KCND2: variants seen among roughly 807,000 people sequenced by gnomAD.
KCND2 encodes A-type voltage-gated potassium channel KCND2.
In KCND2, 16 loss-of-function variants were observed where a neutral mutation model predicts 54.4. The ratio of observed to expected loss-of-function variants is 0.29; its 90% CI spans 0.20 to 0.45. The LOEUF (loss-of-function observed/expected upper bound fraction) is 0.45. Ranked by LOEUF, KCND2 falls within the 20% of genes least tolerant of loss-of-function variation. KCND2 has a pLI of 1.00. For missense variants in KCND2, 486 were observed against 824.2 expected, an observed-to-expected ratio of 0.59 and a Z score of 5.02; for synonymous variants, 317 against 310.7, an observed-to-expected ratio of 1.02 and a Z score of -0.21.
chr7:120,639,288 C>G (rs1270380545), intron 1 of KCND2, among the ~76,000 whole-genome samples: 1 of 152,080 alleles, frequency 6.6e-6, no homozygotes, highest in African/African-American at 2.4e-5. Context: ...ATCAGGAGGT[C>G]CTCTTTTACT....
intron 4 of KCND2, among the ~76,000 whole-genome samples, chr7:120,744,278 A>AAATG (rs1195135043): frequency 1.3e-5 from 2 of 152,078 alleles, no homozygotes; most frequent in Non-Finnish European, 2.9e-5. Context: ...ATAAATAAAT[A>AAATG]AATAAAATAT....
At chr7:120,339,046 A>AATT (rs1382737124) in intron 1 of KCND2, among the ~76,000 whole-genome samples, 6 of 138,286 alleles carry the variant, frequency 4.3e-5, no homozygotes, top group African/African-American at 1.2e-4. Flanking sequence ...ACACCTGGCT[A>AATT]ATTATTATTT....
intron 1 of KCND2, 127 bp downstream of exon 1, chr7:120,275,874 C>G (rs1186777201): frequency 9.2e-7 from 1 of 1,085,908 alleles, no homozygotes; most frequent in Non-Finnish European, 1.3e-6. Flanking sequence ...AAAGCATTAT[C>G]TAAATGGTTT....
intron 1 of KCND2, among the ~76,000 whole-genome samples, chr7:120,556,522 T>C (rs10242908): frequency 0.037 from 5,595 of 152,290 alleles, 290 homozygotes; most frequent in African/African-American, 0.12. Context: ...TTTAGATAGA[T>C]AGATTACTAG....
chr7:120,344,132 G>A (rs1800279287), intron 1 of KCND2, among the ~76,000 whole-genome samples: 1 of 152,114 alleles, frequency 6.6e-6, no homozygotes. Flanking sequence ...ACCGAAGTGT[G>A]TATATTGTAC....
chr7:120,469,858 T>TA (rs1802428929), intron 1 of KCND2, among the ~76,000 whole-genome samples: 1 of 152,086 alleles, frequency 6.6e-6, no homozygotes, highest in Admixed American at 6.6e-5. Context: ...AATGCAAGAC[T>TA]AAAAAACTAT....
chr7:120,739,404 C>T (rs558047382), intron 2 of KCND2, among the ~76,000 whole-genome samples: 1 of 152,132 alleles, frequency 6.6e-6, no homozygotes, highest in Non-Finnish European at 1.5e-5. Flanking sequence ...GTCCTTTTCA[C>T]TTGCTACTGT....
chr7:120,677,359 T>A lies in KCND2; in HGVS notation c.1116-55544T>A, dbSNP rs564062160. The stretch of plus-strand genomic sequence containing the variant: ...GTAAACCAGTAAACCAAGAAACTGA[T>A]GATGAGAACAAGAGAAGAGTCATAA... On this transcript the variant is annotated intron_variant, in intron 1 of 5. Coordinates refer to ENST00000331113, the MANE Select transcript of KCND2 (RefSeq NM_012281.3). Among the ~76,000 whole-genome samples the A allele has an allele frequency of 3.9e-5, 6 of 152,026 alleles. No homozygotes were observed. The East Asian group carries it at 1.2e-3, about 29-fold the overall frequency.
chr7:120,315,461 A>AT, intron 1 of KCND2, among the ~76,000 whole-genome samples: 1 of 152,144 alleles, frequency 6.6e-6, no homozygotes, highest in Non-Finnish European at 1.5e-5. Flanking sequence ...TAAACCTTGA[A>AT]TTTTCCACAG....
intron 1 of KCND2, among the ~76,000 whole-genome samples, chr7:120,390,743 A>C (rs1801061678): frequency 6.6e-6 from 1 of 151,982 alleles, no homozygotes; most frequent in African/African-American, 2.4e-5. Context: ...CTTGCTCAAT[A>C]ATAGATATAT....
chr7:120,358,823 G>C (rs1310753199), intron 1 of KCND2, among the ~76,000 whole-genome samples: 3 of 152,144 alleles, frequency 2.0e-5, no homozygotes, highest in Non-Finnish European at 4.4e-5. Context: ...ATGCTATCTT[G>C]TACAAATCTC....
intron 1 of KCND2, among the ~76,000 whole-genome samples, chr7:120,611,061 T>C (rs1202460681): frequency 1.3e-5 from 2 of 152,184 alleles, no homozygotes; most frequent in African/African-American, 4.8e-5. Context: ...GGATAATTGC[T>C]TACTGAATGC....
intron 1 of KCND2, among the ~76,000 whole-genome samples, chr7:120,722,604 A>G (rs1256910491): frequency 6.6e-6 from 1 of 152,182 alleles, no homozygotes; most frequent in African/African-American, 2.4e-5. Flanking sequence ...TAAAATATGT[A>G]TTAGGTCATT....
At chr7:120,670,374 C>T (rs4730973) in intron 1 of KCND2, among the ~76,000 whole-genome samples, 23,463 of 151,932 alleles carry the variant, frequency 0.15, 2,214 homozygotes, top group African/African-American at 0.25. Flanking sequence ...TTATTTTTTA[C>T]TTTCAATGAT....
chr7:120,706,677 T>A (rs1584891153), intron 1 of KCND2, among the ~76,000 whole-genome samples: 1 of 152,156 alleles, frequency 6.6e-6, no homozygotes, highest in East Asian at 1.9e-4. Context: ...AGAGTGAATA[T>A]TTGCTTGAAA....
At chr7:120,654,004 CTT>C (rs1243612825) in intron 1 of KCND2, among the ~76,000 whole-genome samples, 1 of 152,110 alleles carries the variant, frequency 6.6e-6, no homozygotes, top group Non-Finnish European at 1.5e-5. Context: ...TAAATTGTGA[CTT>C]AAATGCCTTC....
chr7:120,473,874 G>A (rs1802496299), intron 1 of KCND2, among the ~76,000 whole-genome samples: 1 of 152,136 alleles, frequency 6.6e-6, no homozygotes, highest in Non-Finnish European at 1.5e-5. Context: ...GGAGGTTTCT[G>A]TGGCCAGGTA....
intron 1 of KCND2, among the ~76,000 whole-genome samples, chr7:120,719,184 T>A (rs752384785): frequency 3.9e-5 from 6 of 152,178 alleles, no homozygotes; most frequent in Non-Finnish European, 7.4e-5. Context: ...TATGTGGAAG[T>A]TCACTAATTT....
intron 1 of KCND2, among the ~76,000 whole-genome samples, chr7:120,436,281 C>T (rs541058997): frequency 1.3e-5 from 2 of 152,170 alleles, no homozygotes; most frequent in East Asian, 1.9e-4. Context: ...TTAATATGTA[C>T]TCATCATTAA....
Sources: allele counts gnomAD v4.1 joint callset (sites outside exome capture counted in the v4.1 genomes callset), GRCh38; gene constraint gnomAD v4.1.1; transcripts MANE v1.5; gene names NCBI Gene and HGNC (gene_info 2026-07-23, HGNC 2026-07-21).